Variants in CGGBP1 observed in about 807,000 individuals in gnomAD.
CGGBP1 encodes the protein CGG triplet repeat binding protein 1.
CGGBP1 carries 4 observed loss-of-function variants against 11.4 expected under a neutral mutation model. The observed-to-expected ratio is 0.35, with a 90% CI of 0.17 to 0.80. CGGBP1 has a LOEUF of 0.80. Among genes scored for constraint, CGGBP1 ranks in the 30% least tolerant of loss-of-function variants. The pLI, the probability that CGGBP1 is intolerant of heterozygous loss-of-function variation, is 0.52. For missense variants in CGGBP1, 135 were observed against 202.1 expected (o/e 0.67, Z 2.01); for synonymous variants, 76 against 74.1 (o/e 1.03, Z -0.13).
intron 2 of CGGBP1, among the ~76,000 whole-genome samples, chr3:88,088,191 C>T (rs181116089): frequency 3.0e-4 from 46 of 152,218 alleles, no homozygotes; most frequent in African/African-American, 9.1e-4. Flanking sequence ...TACTTAATTA[C>T]GCTAAAGAAA....
At chr3:88,141,156 G>T in intron 1 of CGGBP1, 1 of 1,276,142 alleles carries the variant, frequency 7.8e-7, no homozygotes, top group Non-Finnish European at 1.1e-6. Context: ...GTGTAGCACA[G>T]GTAGTGAAGC....
chr3:88,126,427 G>A (rs931176553), intron 2 of CGGBP1, among the ~76,000 whole-genome samples: 2 of 151,872 alleles, frequency 1.3e-5, no homozygotes, highest in African/African-American at 4.8e-5. Context: ...TTCTAAACTG[G>A]CCCAAAGTGA....
At chr3:88,109,627 G>A (rs1704968059) in intron 2 of CGGBP1, among the ~76,000 whole-genome samples, 1 of 152,126 alleles carries the variant, frequency 6.6e-6, no homozygotes, top group Non-Finnish European at 1.5e-5. Flanking sequence ...AAGTCTAAGA[G>A]TTTGTTTATA....
At chr3:88,075,558 C>T (rs542321389) in intron 2 of CGGBP1, among the ~76,000 whole-genome samples, 10 of 152,330 alleles carry the variant, frequency 6.6e-5, no homozygotes, top group African/African-American at 7.2e-5. Context: ...GCTGCTTGCT[C>T]TTTTAGACCT....
intron 2 of CGGBP1, among the ~76,000 whole-genome samples, chr3:88,137,704 A>C (rs1397491201): frequency 2.0e-5 from 3 of 152,210 alleles, no homozygotes; most frequent in Non-Finnish European, 2.9e-5. Flanking sequence ...TCAAAGAATG[A>C]ATAGGAGGAT....
At chr3:88,101,411 G>A (rs922131993) in intron 2 of CGGBP1, among the ~76,000 whole-genome samples, 1 of 152,066 alleles carries the variant, frequency 6.6e-6, no homozygotes, top group Non-Finnish European at 1.5e-5. Flanking sequence ...TAGAGCAAGT[G>A]AAAATATTTA....
At chr3:88,114,564 C>G (rs1705275957) in intron 2 of CGGBP1, among the ~76,000 whole-genome samples, 1 of 152,130 alleles carries the variant, frequency 6.6e-6, no homozygotes, top group Admixed American at 6.6e-5. Context: ...ATTCTAATTT[C>G]CATATACTAC....
At position 88,102,628 on chromosome 3, in the gene CGGBP1, G is replaced by A. The variant is rs146917599; in HGVS notation, c.-229+38342C>T. On this transcript the variant is annotated intron_variant, in intron 2 of 3. Transcript: ENST00000462901. ...AGTATCTGGCAATTCAGCCTCTCCT[G>A]TAAATCCAATAGAATAGTGCAAGAA... Among the ~76,000 whole-genome samples the A allele has an allele frequency of 2.3e-3, 353 of 152,214 alleles. 2 individuals are homozygous for A. The highest frequency in any genetic ancestry group is 7.9e-3 in the African/African-American group (327 of 41,532).
At chr3:88,065,417 A>C (rs1411663099) in intron 2 of CGGBP1, among the ~76,000 whole-genome samples, 1 of 152,202 alleles carries the variant, frequency 6.6e-6, no homozygotes, top group Non-Finnish European at 1.5e-5. Flanking sequence ...GAGTTAGTAC[A>C]TATAATGTAA....
intron 2 of CGGBP1, among the ~76,000 whole-genome samples, chr3:88,076,184 G>A (rs1345885400): frequency 6.6e-6 from 1 of 152,174 alleles, no homozygotes; most frequent in Non-Finnish European, 1.5e-5. Flanking sequence ...TCTTCAAGGT[G>A]TGGTTTTTCA....
chr3:88,141,113 T>G, intron 1 of CGGBP1: 1 of 1,507,798 alleles, frequency 6.6e-7, no homozygotes, highest in Non-Finnish European at 8.8e-7. Context: ...ATAAAACTAT[T>G]ATAGATCTTT....
intron 2 of CGGBP1, chr3:88,138,555 T>C (rs1706940005): frequency 2.3e-6 from 1 of 430,938 alleles, no homozygotes. Context: ...TTTAAAAGAG[T>C]TAAACAAGGC....
intron 2 of CGGBP1, among the ~76,000 whole-genome samples, chr3:88,064,623 C>T (rs940399322): frequency 6.6e-6 from 1 of 152,208 alleles, no homozygotes; most frequent in African/African-American, 2.4e-5. Context: ...ACTCCCTCTA[C>T]TGATGGCTTG....
intron 2 of CGGBP1, among the ~76,000 whole-genome samples, chr3:88,132,841 G>C (rs1706546589): frequency 6.6e-6 from 1 of 152,192 alleles, no homozygotes; most frequent in Non-Finnish European, 1.5e-5. Context: ...CATACAGCTA[G>C]TAAGAAATGG....
At chr3:88,138,096 G>A (rs1414727626) in intron 2 of CGGBP1, among the ~76,000 whole-genome samples, 4 of 152,042 alleles carry the variant, frequency 2.6e-5, no homozygotes, top group Non-Finnish European at 5.9e-5. Flanking sequence ...ATAACTTCCA[G>A]GGGGCTCATT....
At chr3:88,065,197 A>G (rs1406093034) in intron 2 of CGGBP1, among the ~76,000 whole-genome samples, 1 of 152,184 alleles carries the variant, frequency 6.6e-6, no homozygotes, top group Non-Finnish European at 1.5e-5. Flanking sequence ...AAAGACATCA[A>G]CTCGTTTATT....
chr3:88,068,306 G>A (rs1707316498), intron 2 of CGGBP1, among the ~76,000 whole-genome samples: 1 of 152,066 alleles, frequency 6.6e-6, no homozygotes, highest in Admixed American at 6.6e-5. Flanking sequence ...TTAACTTTGA[G>A]ACAGAAAGGG....
intron 2 of CGGBP1, chr3:88,138,758 A>G: frequency 1.6e-6 from 2 of 1,232,008 alleles, no homozygotes; most frequent in Non-Finnish European, 2.0e-6. Context: ...GTGCTCTACA[A>G]CTCGACCTTC....
At chr3:88,093,341 T>A (rs1287357553) in intron 2 of CGGBP1, among the ~76,000 whole-genome samples, 1 of 152,172 alleles carries the variant, frequency 6.6e-6, no homozygotes, top group Admixed American at 6.6e-5. Flanking sequence ...AAAAGCAAAT[T>A]GTAATGCTGC....
Sources: gnomAD v4.1 joint callset for allele counts (sites outside exome capture counted in the v4.1 genomes callset) on GRCh38, gnomAD v4.1.1 for gene constraint, MANE v1.5 for transcripts, NCBI Gene and HGNC (gene_info 2026-07-23, HGNC 2026-07-21) for gene names.